Variants in CAMK2D observed in about 807,000 individuals in gnomAD.
CAMK2D encodes calcium/calmodulin dependent protein kinase II delta.
CAMK2D carries 37 observed loss-of-function variants against 84.0 expected under a neutral mutation model. The ratio of observed to expected loss-of-function variants is 0.44; its 90% CI spans 0.34 to 0.58. The LOEUF (loss-of-function observed/expected upper bound fraction) is 0.58, where lower values mean the gene tolerates loss of function less well. CAMK2D is among the 20% of genes least tolerant of loss of function. The probability of loss-of-function intolerance (pLI) is 0.02; values close to 1 mark genes in which losing one functional copy is unlikely to be tolerated. For missense variants in CAMK2D, 448 were observed against 652.5 expected (o/e 0.69, Z 3.41); for synonymous variants, 202 against 212.5 (o/e 0.95, Z 0.43).
At chr4:113,615,837 C>T (rs781149787) in intron 3 of CAMK2D, among the ~76,000 whole-genome samples, 3 of 151,916 alleles carry the variant, frequency 2.0e-5, no homozygotes, top group Non-Finnish European at 4.4e-5. Flanking sequence ...AACATTTGAG[C>T]ATAAAAAATT....
intron 2 of CAMK2D, among the ~76,000 whole-genome samples, chr4:113,743,342 G>GC (rs1358872457): frequency 1.3e-5 from 2 of 152,162 alleles, no homozygotes; most frequent in African/African-American, 4.8e-5. Context: ...CAGATTCTCT[G>GC]CAGTCTCACT....
rs556329077 is a variant in CAMK2D at position 113,568,653 on chromosome 4, T to G, written c.276-16557A>C. On this transcript the variant is annotated intron_variant, in intron 4 of 20. Coordinates refer to ENST00000511664, the MANE Select transcript of CAMK2D (RefSeq NM_001321571.2). ...TAACTGTGCAAGGAATCACAAAACT[T>G]TTTTACACAGCTGCTGTGCCATTTT... Among the ~76,000 whole-genome samples the G allele has an allele frequency of 5.3e-5, 8 of 152,322 alleles. 1 individual carries two copies. In the South Asian group the frequency reaches 1.7e-3, roughly 32 times the overall value.
In CAMK2D at chr4:113,456,590, A is replaced by G. The variant is rs370502822; in HGVS notation, c.1535+745T>C. ...AAGATTTTGTCCAAAATTCTATCTT[A>G]TATACAAAGTGTACTTCCAAACTGT... is the stretch of plus-strand genomic sequence containing the variant. On this transcript the variant is annotated intron_variant, in intron 19 of 20. Coordinates refer to ENST00000511664, the MANE Select transcript of CAMK2D (RefSeq NM_001321571.2). The G allele has an allele frequency of 1.2e-4, 19 of 152,310 alleles. No homozygotes were observed. The East Asian group carries it at 3.1e-3, about 25-fold the overall frequency. The allele number at this position is 152,310 out of a possible 1,614,324, so 9.4% of individuals were successfully genotyped here.
chr4:113,628,082 T>C (rs1245996353), intron 3 of CAMK2D, among the ~76,000 whole-genome samples: 2 of 152,098 alleles, frequency 1.3e-5, no homozygotes, highest in Non-Finnish European at 2.9e-5. Flanking sequence ...CACTTAACTG[T>C]AGATGAGGAA....
At chr4:113,655,560 T>C (rs1321630872) in intron 3 of CAMK2D, among the ~76,000 whole-genome samples, 1 of 152,136 alleles carries the variant, frequency 6.6e-6, no homozygotes, top group Non-Finnish European at 1.5e-5. Flanking sequence ...TCTACAAATA[T>C]AAATGTTGCT....
chr4:113,550,192 T>G (rs2098615066), intron 5 of CAMK2D, among the ~76,000 whole-genome samples: 2 of 152,170 alleles, frequency 1.3e-5, no homozygotes, highest in Non-Finnish European at 2.9e-5. Context: ...TCAAATAGCC[T>G]CTTTTGAGAC....
At chr4:113,527,578 A>T (rs1590756345) in intron 8 of CAMK2D, among the ~76,000 whole-genome samples, 1 of 152,236 alleles carries the variant, frequency 6.6e-6, no homozygotes, top group East Asian at 1.9e-4. Context: ...TAAACCCATA[A>T]TATCTCTGAG....
chr4:113,685,387 G>A (rs938373643), intron 2 of CAMK2D, among the ~76,000 whole-genome samples: 2 of 151,856 alleles, frequency 1.3e-5, no homozygotes, highest in Non-Finnish European at 2.9e-5. Context: ...CTATAGGCGT[G>A]CGCCACAACA....
At chr4:113,713,681 T>A (rs1045860388) in intron 2 of CAMK2D, among the ~76,000 whole-genome samples, 1 of 151,404 alleles carries the variant, frequency 6.6e-6, no homozygotes, top group Admixed American at 6.6e-5. Context: ...TACTGACAAC[T>A]TCAATCAATT....
intron 16 of CAMK2D, among the ~76,000 whole-genome samples, chr4:113,471,838 G>T (rs1202711442): frequency 6.6e-6 from 1 of 151,862 alleles, no homozygotes; most frequent in African/African-American, 2.4e-5. Flanking sequence ...TGGTCTAGAA[G>T]CTGAAGCCCA....
At chr4:113,455,516 T>C (rs1465090502) in intron 20 of CAMK2D, among the ~76,000 whole-genome samples, 1 of 152,216 alleles carries the variant, frequency 6.6e-6, no homozygotes, top group Non-Finnish European at 1.5e-5. Flanking sequence ...TTTCAGTGTT[T>C]ATTACCTTTA....
At chr4:113,671,670 A>G (rs1260888192) in intron 2 of CAMK2D, among the ~76,000 whole-genome samples, 2 of 152,176 alleles carry the variant, frequency 1.3e-5, no homozygotes, top group African/African-American at 4.8e-5. Flanking sequence ...AGTCACTTCT[A>G]TGTTGAGGTA....
intron 16 of CAMK2D, among the ~76,000 whole-genome samples, chr4:113,495,770 T>C (rs2097919469): frequency 6.6e-6 from 1 of 152,054 alleles, no homozygotes; most frequent in South Asian, 2.1e-4. Flanking sequence ...AGCCATAGAA[T>C]CTGCTTGTTG....
intron 2 of CAMK2D, among the ~76,000 whole-genome samples, chr4:113,725,684 A>T (rs756274262): frequency 2.6e-5 from 4 of 152,194 alleles, no homozygotes; most frequent in Non-Finnish European, 5.9e-5. Context: ...ATTATATTTT[A>T]GTGTTAATAA....
At chr4:113,512,851 G>T (rs2098233929) in intron 12 of CAMK2D, among the ~76,000 whole-genome samples, 2 of 152,308 alleles carry the variant, frequency 1.3e-5, no homozygotes, top group South Asian at 4.1e-4. Context: ...GATTACAGGC[G>T]TGAGCCACCA....
At chr4:113,712,577 G>A (rs2099496980) in intron 2 of CAMK2D, among the ~76,000 whole-genome samples, 1 of 152,002 alleles carries the variant, frequency 6.6e-6, no homozygotes, top group African/African-American at 2.4e-5. Flanking sequence ...CAAGGCACTA[G>A]CTACAGTGAT....
At chr4:113,637,767 A>T (rs1296568567) in intron 3 of CAMK2D, among the ~76,000 whole-genome samples, 1 of 152,134 alleles carries the variant, frequency 6.6e-6, no homozygotes, top group Non-Finnish European at 1.5e-5. Context: ...ATAAAAGTAC[A>T]CATTTTTTTT....
intron 16 of CAMK2D, among the ~76,000 whole-genome samples, chr4:113,480,294 T>C (rs2097686012): frequency 6.6e-6 from 1 of 152,070 alleles, no homozygotes; most frequent in South Asian, 2.1e-4. Context: ...CTATTGTACA[T>C]ATGACTCAGA....
chr4:113,512,864 C>T (rs1304477022), intron 12 of CAMK2D, among the ~76,000 whole-genome samples: 1 of 152,224 alleles, frequency 6.6e-6, no homozygotes. Flanking sequence ...AGCCACCACG[C>T]CCGGCCAATA....
Sources: allele counts gnomAD v4.1 joint callset (sites outside exome capture counted in the v4.1 genomes callset), GRCh38; gene constraint gnomAD v4.1.1; transcripts MANE v1.5; gene names NCBI Gene and HGNC (gene_info 2026-07-23, HGNC 2026-07-21).